LDB2: variants seen among roughly 807,000 people sequenced by gnomAD.
LDB2 encodes LIM domain binding 2.
Under a neutral mutation model 44.3 loss-of-function variants are expected in LDB2, and 12 were observed. The ratio of observed to expected loss-of-function variants is 0.27; its 90% CI spans 0.17 to 0.44. The LOEUF is 0.44. Among genes scored for constraint, LDB2 ranks in the 20% least tolerant of loss-of-function variants. The pLI, the probability that LDB2 is intolerant of heterozygous loss-of-function variation, is 1.00. For missense variants in LDB2, 344 were observed against 473.5 expected (o/e 0.73, Z 2.54); for synonymous variants, 164 against 174.8 (o/e 0.94, Z 0.49).
At chr4:16,778,295 G>A (rs540967631) in intron 1 of LDB2, among the ~76,000 whole-genome samples, 21 of 152,052 alleles carry the variant, frequency 1.4e-4, no homozygotes, top group Middle Eastern at 3.4e-3. Context: ...ACAATCATAC[G>A]CACACACGCA....
At chr4:16,885,095 G>C (rs1375410724) in intron 1 of LDB2, among the ~76,000 whole-genome samples, 2 of 149,632 alleles carry the variant, frequency 1.3e-5, no homozygotes, top group African/African-American at 4.9e-5. Context: ...TGAGGCGGGA[G>C]GATCACTCAA....
intron 6 of LDB2, among the ~76,000 whole-genome samples, chr4:16,509,970 C>A (rs1196721369): frequency 6.6e-6 from 1 of 152,086 alleles, no homozygotes; most frequent in African/African-American, 2.4e-5. Context: ...CACAGATTAG[C>A]CAGGTGTGGT....
intron 1 of LDB2, among the ~76,000 whole-genome samples, chr4:16,873,476 C>A (rs116435625): frequency 0.013 from 1,984 of 151,558 alleles, 23 homozygotes; most frequent in Middle Eastern, 0.058. Flanking sequence ...TGTTAATGGT[C>A]TCTATTCACC....
chr4:16,771,913 A>C (rs1770791293), intron 1 of LDB2, among the ~76,000 whole-genome samples: 1 of 152,214 alleles, frequency 6.6e-6, no homozygotes, highest in African/African-American at 2.4e-5. Context: ...CTCCCAGCTA[A>C]AACTTTTCTA....
At chr4:16,780,500 GGT>G (rs1270178947) in intron 1 of LDB2, among the ~76,000 whole-genome samples, 2 of 152,146 alleles carry the variant, frequency 1.3e-5, no homozygotes, top group Non-Finnish European at 1.5e-5. Flanking sequence ...TGGGATTTCA[GGT>G]GTGATCCACC....
chr4:16,887,791 T>C (rs553713141), intron 1 of LDB2, among the ~76,000 whole-genome samples: 43 of 152,042 alleles, frequency 2.8e-4, no homozygotes, highest in Non-Finnish European at 5.0e-4. Flanking sequence ...TATAAGACTA[T>C]AAAAATCATA....
chr4:16,789,376 G>T (rs976155589), intron 1 of LDB2, among the ~76,000 whole-genome samples: 6 of 152,166 alleles, frequency 3.9e-5, no homozygotes, highest in South Asian at 2.1e-4. Flanking sequence ...GACAAACAAG[G>T]TTCCCTGACC....
chr4:16,753,895 C>T (rs1317640416), intron 2 of LDB2, among the ~76,000 whole-genome samples: 3 of 152,282 alleles, frequency 2.0e-5, no homozygotes, highest in Middle Eastern at 3.4e-3. Context: ...CTAATAAGAA[C>T]GCCCATCAAT....
intron 2 of LDB2, among the ~76,000 whole-genome samples, chr4:16,745,998 T>C (rs1764307186): frequency 6.6e-6 from 1 of 152,170 alleles, no homozygotes; most frequent in African/African-American, 2.4e-5. Flanking sequence ...CTCGCTTTTG[T>C]CGTCTCTTCA....
intron 2 of LDB2, among the ~76,000 whole-genome samples, chr4:16,734,152 C>T (rs1378123058): frequency 2.6e-5 from 4 of 152,108 alleles, no homozygotes; most frequent in Non-Finnish European, 5.9e-5. Flanking sequence ...TATTCTTAAC[C>T]TAGTTTGCAG....
intron 1 of LDB2, among the ~76,000 whole-genome samples, chr4:16,779,429 G>T (rs1158429604): frequency 2.0e-5 from 3 of 152,148 alleles, no homozygotes; most frequent in South Asian, 2.1e-4. Context: ...TTCACACTTG[G>T]TATTCACTTC....
chr4:16,885,488 G>A lies in LDB2; in HGVS notation c.132+12866C>T, dbSNP rs544704113. 2.0e-5 allele frequency among the ~76,000 whole-genome samples: 3 copies of A among 152,176 alleles called. No individual in the cohort carries two copies. The East Asian group carries it at 5.8e-4, about 29-fold the overall frequency. On this transcript the variant is annotated intron_variant, in intron 1 of 7. Coordinates refer to ENST00000304523, the MANE Select transcript of LDB2 (RefSeq NM_001290.5). ...CCCAAAGACCTCTTTGATCCAGTAA[G>A]GAAAACAGGATAACATTACATACAA...
intron 1 of LDB2, among the ~76,000 whole-genome samples, chr4:16,769,153 G>A (rs768028911): frequency 2.0e-5 from 3 of 152,128 alleles, no homozygotes; most frequent in East Asian, 1.9e-4. Flanking sequence ...TATGGAATTC[G>A]GCTTGAAGAC....
intron 5 of LDB2, among the ~76,000 whole-genome samples, chr4:16,561,824 A>G (rs1286458457): frequency 2.6e-5 from 4 of 152,200 alleles, no homozygotes; most frequent in African/African-American, 9.7e-5. Flanking sequence ...AAACTATACT[A>G]CAGGCTACAG....
intron 2 of LDB2, among the ~76,000 whole-genome samples, chr4:16,665,340 A>G (rs1742776978): frequency 7.1e-6 from 1 of 140,710 alleles, no homozygotes. Flanking sequence ...ATCTTGGCTC[A>G]TGGCAACCTC....
chr4:16,646,526 G>T lies in LDB2; in HGVS notation c.236-50651C>A, dbSNP rs188611965. Among the ~76,000 whole-genome samples the T allele has an allele frequency of 3.0e-3, 457 of 152,280 alleles. 3 individuals carry two copies. Among genetic ancestry groups the T allele is most frequent in the African/African-American group, 0.011 (445 of 41,552 alleles). On this transcript the variant is annotated intron_variant, in intron 2 of 7. Coordinates refer to ENST00000304523, the MANE Select transcript of LDB2 (RefSeq NM_001290.5). ...CAAAGGAATGTTACTGGTTCAACAT[G>T]GCCTCTTGCACATCTGCCATAAGAA...
In LDB2 at chr4:16,543,001, C is replaced by T. The variant is rs529023973; in HGVS notation, c.616-30897G>A. ...CAAGTGTTCTTATTTTCACTTCCCACCTGTGAGTGAGAACATGCGGTATTT... is the reference window on the plus strand; with the variant it reads ...CAAGTGTTCTTATTTTCACTTCCCATCTGTGAGTGAGAACATGCGGTATTT... On this transcript the variant is annotated intron_variant, in intron 5 of 7. Transcript: ENST00000304523. Among the ~76,000 whole-genome samples the T allele has an allele frequency of 7.8e-4, 115 of 147,238 alleles. 2 individuals carry two copies. The Middle Eastern group carries it at 0.014, about 18-fold the overall frequency.
chr4:16,551,598 A>C lies in LDB2; in HGVS notation c.615+34324T>G, dbSNP rs566348005. Among the ~76,000 whole-genome samples, 6 of 152,038 alleles carry C rather than the reference A, an allele frequency of 3.9e-5. No homozygotes were observed. The South Asian group carries it at 1.2e-3, about 32-fold the overall frequency. ...AATGGCGCGATCTCGGCTCACTGCA[A>C]CCTCCACCTTCTGGGTTCAAACAAT... On this transcript the variant is annotated intron_variant, in intron 5 of 7. Transcript: ENST00000304523.
chr4:16,824,472 A>C (rs1449015362), intron 1 of LDB2, among the ~76,000 whole-genome samples: 2 of 152,240 alleles, frequency 1.3e-5, no homozygotes, highest in African/African-American at 4.8e-5. Context: ...CCACATATTC[A>C]GTAGTACTAT....
Sources: gnomAD v4.1 joint callset for allele counts (sites outside exome capture counted in the v4.1 genomes callset) on GRCh38, gnomAD v4.1.1 for gene constraint, MANE v1.5 for transcripts, NCBI Gene and HGNC (gene_info 2026-07-23, HGNC 2026-07-21) for gene names.